The following KCTD20 variants were observed in gnomAD, a reference collection of about 807,000 sequenced individuals.
KCTD20 encodes BTB/POZ domain-containing protein KCTD20.
KCTD20 carries 30 observed loss-of-function variants against 39.6 expected under a neutral mutation model. The ratio of observed to expected loss-of-function variants is 0.76; its 90% CI spans 0.57 to 1.03. KCTD20 has a LOEUF of 1.03. KCTD20 is among the 50% of genes least tolerant of loss of function. The probability of loss-of-function intolerance (pLI) is 0.00; values close to 1 mark genes in which losing one functional copy is unlikely to be tolerated. For synonymous variants in KCTD20, 162 were observed against 180.6 expected, an observed-to-expected ratio of 0.90 and a Z score of 0.83; for missense variants, 422 against 522.0, an observed-to-expected ratio of 0.81 and a Z score of 1.87.
intron 1 of KCTD20, among the ~76,000 whole-genome samples, chr6:36,445,666 A>C (rs1044278667): frequency 1.3e-5 from 2 of 152,202 alleles, no homozygotes; most frequent in African/African-American, 2.4e-5. Context: ...GCTTATTACA[A>C]ATTTATCAAA....
intron 5 of KCTD20, 132 bp from the exon 6 acceptor site, chr6:36,481,430 T>C: frequency 4.4e-6 from 3 of 677,430 alleles, no homozygotes; most frequent in Non-Finnish European, 7.9e-6. Context: ...CAGGAAACAA[T>C]CTCTTTGCCT....
chr6:36,452,999 C>CTTTTTTTTTTTTTTTTT (rs59865602), intron 1 of KCTD20, among the ~76,000 whole-genome samples: 3 of 58,158 alleles, frequency 5.2e-5, no homozygotes, highest in African/African-American at 1.4e-4. Context: ...GTTTTCTTAG[C>CTTTTTTTTTTTTTTTTT]TTTTTTTTTT....
chr6:36,448,015 G>GTGTATATATATATATATATATATATATA lies in KCTD20; in HGVS notation c.-47+4905_-47+4906insGTATATATATATATATATATATATATAT, dbSNP rs559687288. 1.5e-4 allele frequency among the ~76,000 whole-genome samples: 19 copies of GTGTATATATATATATATATATATATATA among 128,928 alleles called. 1 individual carries two copies. Among genetic ancestry groups the GTGTATATATATATATATATATATATATA allele is most frequent in the African/African-American group, 5.5e-4 (16 of 29,066 alleles). The allele number at this position is 128,928 out of a possible 152,430, so 84.6% of individuals were successfully genotyped here. ...CCAAAATATATGTGTATGTGTGTGT[G>GTGTATATATATATATATATATATATATA]TATATATATATATATATATATATAT... On this transcript the variant is annotated intron_variant, in intron 1 of 7. Transcript: ENST00000373731.
chr6:36,459,665 C>G (rs1470333165), intron 1 of KCTD20, among the ~76,000 whole-genome samples: 1 of 151,920 alleles, frequency 6.6e-6, no homozygotes, highest in Non-Finnish European at 1.5e-5. Flanking sequence ...TGTTTATAAA[C>G]ATGAATTTTC....
intron 1 of KCTD20, among the ~76,000 whole-genome samples, chr6:36,451,352 A>G (rs998750969): frequency 2.0e-5 from 3 of 152,232 alleles, no homozygotes; most frequent in African/African-American, 7.2e-5. Context: ...TCAGTAAGAC[A>G]ATAACTTTTT....
rs551954488 is a variant in KCTD20, at chr6:36,489,276, T to A, written c.*2101T>A. 5.2e-5 allele frequency: 8 copies of A among 152,418 alleles called. No homozygotes were observed. Among genetic ancestry groups the A allele is most frequent in the Non-Finnish European group, 1.0e-4 (7 of 68,012 alleles). The allele number at this position is 152,418 out of a possible 1,614,324, so 9.4% of individuals were successfully genotyped here. A position where few individuals can be genotyped will look rare whatever the true frequency, so the allele number is the denominator to read the frequency against. Reference sequence around the variant, plus strand: ...CTAACACTTAAAAATGAAAACTAATTAGTTCTTGCTTAGGGAAAATGCCAG... The same window carrying A: ...CTAACACTTAAAAATGAAAACTAATAAGTTCTTGCTTAGGGAAAATGCCAG... On this transcript the variant is annotated 3_prime_UTR_variant, in exon 8 of 8. Coordinates refer to ENST00000373731, the MANE Select transcript of KCTD20 (RefSeq NM_173562.5).
Position 36,481,626 on chromosome 6 carries a change from G to C in KCTD20, c.723G>C (p.Glu241Asp). 6.2e-7 allele frequency: 1 copy of C among 1,614,220 alleles called. No homozygotes were observed. The highest frequency in any genetic ancestry group is 8.5e-7 in the Non-Finnish European group (1 of 1,180,040). ...AHKQFDHYLE[E>D]LILPIMVGCA... is the part of the protein sequence containing the mutation. ...AGCAGTTTGATCACTACCTCGAAGA[G>C]CTCATCTTGCCCATCATGGTGGGCT... is the stretch of plus-strand genomic sequence containing the variant. The change falls in exon 6 of 8, where the codon GAG (glutamate) becomes GAC (aspartate). Residue 241 changes from glutamate (E) to aspartate (D), a missense_variant. Coordinates refer to ENST00000373731, the MANE Select transcript of KCTD20 (RefSeq NM_173562.5).
intron 3 of KCTD20, among the ~76,000 whole-genome samples, chr6:36,476,522 C>T (rs994361621): frequency 1.3e-5 from 2 of 151,616 alleles, no homozygotes; most frequent in South Asian, 2.1e-4. Flanking sequence ...CTCCACCTCC[C>T]GGGTTCAAGC....
At chr6:36,486,434 A>T (rs1776426146) in intron 7 of KCTD20, among the ~76,000 whole-genome samples, 1 of 152,078 alleles carries the variant, frequency 6.6e-6, no homozygotes, top group African/African-American at 2.4e-5. Context: ...CCTTTCACAT[A>T]TTTTAGGCAG....
chr6:36,464,646 A>G (rs1373768855), intron 1 of KCTD20, among the ~76,000 whole-genome samples: 1 of 151,914 alleles, frequency 6.6e-6, no homozygotes. Flanking sequence ...ACCTATTCCC[A>G]GAAATTCTGG....
At chr6:36,485,454 TAA>T (rs1189957109) in intron 7 of KCTD20, among the ~76,000 whole-genome samples, 2 of 150,524 alleles carry the variant, frequency 1.3e-5, no homozygotes, top group Non-Finnish European at 3.0e-5. Flanking sequence ...TGGAGAGTGC[TAA>T]AGTCATTTGG....
At chr6:36,468,759 TC>T (rs1045527406) in intron 1 of KCTD20, among the ~76,000 whole-genome samples, 1 of 152,254 alleles carries the variant, frequency 6.6e-6, no homozygotes, top group Non-Finnish European at 1.5e-5. Flanking sequence ...TTGAAGGTTT[TC>T]TATCAATACA....
intron 7 of KCTD20, among the ~76,000 whole-genome samples, chr6:36,486,079 T>A (rs1776411067): frequency 1.3e-5 from 2 of 152,006 alleles, no homozygotes; most frequent in African/African-American, 4.8e-5. Context: ...TATTTTTTTT[T>A]AACCTTTTTT....
At position 36,453,834 on chromosome 6, in the gene KCTD20, A is replaced by C. The variant is rs1229244442; in HGVS notation, c.-47+10723A>C. Among the ~76,000 whole-genome samples the C allele has an allele frequency of 3.9e-5, 6 of 152,176 alleles. No individual in the cohort carries two copies. The South Asian group carries it at 1.0e-3, about 26-fold the overall frequency. On this transcript the variant is annotated intron_variant, in intron 1 of 7. Coordinates refer to ENST00000373731, the MANE Select transcript of KCTD20 (RefSeq NM_173562.5). ...CTCTAATATATGTTTTAAAGCTATA[A>C]ATTTTCCTTTGTGCCTGGAGTTAGG... is the stretch of plus-strand genomic sequence containing the variant.
At chr6:36,457,703 GTGTTAAATGCAAA>G (rs1173738928) in intron 1 of KCTD20, among the ~76,000 whole-genome samples, 2 of 152,208 alleles carry the variant, frequency 1.3e-5, no homozygotes, top group East Asian at 3.8e-4. Context: ...TCTGGAAACA[GTGTTAAATGCAAA>G]ACTGTGGCAA....
chr6:36,471,850 CTTT>C (rs550731370), intron 2 of KCTD20, among the ~76,000 whole-genome samples: 2 of 135,330 alleles, frequency 1.5e-5, no homozygotes. Context: ...GTATCTATTT[CTTT>C]TTTTTTTTTT....
At chr6:36,468,187 T>G (rs1177691538) in intron 1 of KCTD20, among the ~76,000 whole-genome samples, 2 of 152,226 alleles carry the variant, frequency 1.3e-5, no homozygotes, top group African/African-American at 4.8e-5. Context: ...TTACTTTATT[T>G]TCCCTCCGTG....
intron 1 of KCTD20, among the ~76,000 whole-genome samples, chr6:36,464,973 A>G (rs980374634): frequency 6.6e-6 from 1 of 152,134 alleles, no homozygotes. Context: ...AAGTATAAAC[A>G]AGGGTACTGC....
rs1774913973 is a variant in KCTD20, at chr6:36,443,009, T to TG, written c.-148dup. ...GTCCGGGGCGGGGGGCGCGCGCCGC[T>TG]GCGGCACAGCCGGTCCCGGCTGCGG... On this transcript the variant is annotated 5_prime_UTR_variant, in exon 1 of 8. Transcript: ENST00000373731. 1 of 150,690 alleles carries TG rather than the reference T, an allele frequency of 6.6e-6. No homozygotes were observed. Among genetic ancestry groups the TG allele is most frequent in the Non-Finnish European group, 1.5e-5 (1 of 67,646 alleles). The allele number at this position is 150,690 out of a possible 1,614,324, so 9.3% of individuals were successfully genotyped here.
Sources: gnomAD v4.1 joint callset for allele counts (sites outside exome capture counted in the v4.1 genomes callset) on GRCh38, gnomAD v4.1.1 for gene constraint, MANE v1.5 for transcripts, NCBI Gene and HGNC (gene_info 2026-07-23, HGNC 2026-07-21) for gene names.